Variants in ERMP1 observed in about 807,000 individuals in gnomAD.
ERMP1 encodes the protein Felix-ina.
A neutral mutation model predicts 92.0 loss-of-function variants in ERMP1; 86 were observed. The observed-to-expected ratio is 0.93, with a 90% confidence interval of 0.79 to 1.12. The LOEUF is 1.12. Ranked by LOEUF, ERMP1 falls within the 50% of genes most tolerant of loss-of-function variation. ERMP1 has a pLI of 0.00. For synonymous variants in ERMP1, 530 were observed against 412.8 expected (o/e 1.28, Z -3.44); for missense variants, 1,342 against 1,116.3 (o/e 1.20, Z -2.88).
At chr9:5,798,217 T>A (rs1240257972) in intron 12 of ERMP1, among the ~76,000 whole-genome samples, 5 of 148,674 alleles carry the variant, frequency 3.4e-5, no homozygotes, top group Non-Finnish European at 4.5e-5. Flanking sequence ...GAGAAAACAA[T>A]TTTTTTTTTT....
intron 13 of ERMP1, among the ~76,000 whole-genome samples, chr9:5,789,000 TAAAA>T (rs1271522579): frequency 6.6e-6 from 1 of 151,684 alleles, no homozygotes; most frequent in Non-Finnish European, 1.5e-5. Context: ...AAAAGCAAAG[TAAAA>T]AAGGTTAGCG....
At chr9:5,829,006 G>C (rs1563771870) in intron 2 of ERMP1, among the ~76,000 whole-genome samples, 3 of 151,914 alleles carry the variant, frequency 2.0e-5, no homozygotes, top group Non-Finnish European at 4.4e-5. Flanking sequence ...AAATTTGGGA[G>C]ACTGAGGTAG....
At chr9:5,802,676 A>G (rs911182140) in intron 10 of ERMP1, among the ~76,000 whole-genome samples, 1 of 152,198 alleles carries the variant, frequency 6.6e-6, no homozygotes, top group Non-Finnish European at 1.5e-5. Flanking sequence ...GTGAGCCACC[A>G]TGCCCAGCAA....
rs775344090 is a variant in ERMP1 at position 5,801,200 on chromosome 9, C to T, written c.2043G>A (p.Pro681=). The T allele has an allele frequency of 8.1e-6, 13 of 1,612,250 alleles. No individual in the cohort carries two copies. Among genetic ancestry groups the T allele is most frequent in the Middle Eastern group, 1.6e-4 (1 of 6,080 alleles). Residue 681 remains proline (P), a synonymous_variant, in exon 11 of 15, where the codon CCG becomes CCA. Transcript: ENST00000339450. ...CCTGAAGAAACACTCTCTTTGGCTT[C>T]GGATTAGCAGGATTGGAGCTATATG... ...FFPYSSNPAN[P]KPKRVFLQHM...
At chr9:5,808,552 T>G (rs1828955787) in intron 8 of ERMP1, among the ~76,000 whole-genome samples, 1 of 152,156 alleles carries the variant, frequency 6.6e-6, no homozygotes, top group East Asian at 1.9e-4. Flanking sequence ...AAAGACATAC[T>G]TGTGGAAGGA....
intron 13 of ERMP1, among the ~76,000 whole-genome samples, chr9:5,788,774 A>G (rs1165835609): frequency 2.6e-5 from 4 of 152,174 alleles, no homozygotes; most frequent in African/African-American, 9.6e-5. Flanking sequence ...TATCCATACA[A>G]ACATTTGGGG....
chr9:5,809,001 G>A (rs1275619344), intron 8 of ERMP1, among the ~76,000 whole-genome samples: 1 of 152,094 alleles, frequency 6.6e-6, no homozygotes, highest in African/African-American at 2.4e-5. Flanking sequence ...TTACAGGCAT[G>A]AGCCACAGCA....
rs1263043580 is a variant in ERMP1, at chr9:5,832,946, G to T, written c.82C>A (p.Pro28Thr). The T allele has an allele frequency of 6.4e-7, 1 of 1,562,406 alleles. No individual in the cohort carries two copies. The highest frequency in any genetic ancestry group is 1.8e-5 in the Admixed American group (1 of 56,626). ...ERREGAAAAPPPEREARAQEP... is the reference protein window; with the variant it reads ...ERREGAAAAPTPEREARAQEP... Reference sequence around the variant, plus strand: ...TGCGCTCGGGCCTCCCTCTCCGGCGGTGGCGCGGCCGCCGCTCCCTCTCGA... The same window carrying T: ...TGCGCTCGGGCCTCCCTCTCCGGCGTTGGCGCGGCCGCCGCTCCCTCTCGA... The change falls in exon 1 of 15, where the codon CCG becomes ACG. Residue 28 changes from proline to threonine, a missense_variant. Coordinates refer to ENST00000339450, the MANE Select transcript of ERMP1 (RefSeq NM_024896.3).
At chr9:5,863,535 G>C (rs2129787690) in intron 5 of ERMP1, among the ~76,000 whole-genome samples, 1 of 152,316 alleles carries the variant, frequency 6.6e-6, no homozygotes, top group Non-Finnish European at 1.5e-5. Context: ...GGAGAGGGCA[G>C]AGTCCTCAGA....
At position 5,805,669 on chromosome 9, in the gene ERMP1, G is replaced by A. The variant is rs771369193; in HGVS notation, c.1665C>T (p.Val555=). Residue 555 remains valine (V), a synonymous_variant, in exon 9 of 15, where the codon GTC becomes GTT. Coordinates refer to ENST00000339450, the MANE Select transcript of ERMP1 (RefSeq NM_024896.3). Reference sequence around the variant, plus strand: ...TTGTGAGCAATGGGAATGCTACCCAGACAGCACTAATAAACGCCGAGCAAA... The same window carrying A: ...TTGTGAGCAATGGGAATGCTACCCAAACAGCACTAATAAACGCCGAGCAAA... The part of the protein sequence containing the change: ...QGLCSAFISA[V]WVAFPLLTKL... 1.2e-6 allele frequency: 2 copies of A among 1,613,108 alleles called. No homozygotes were observed. Among genetic ancestry groups the A allele is most frequent in the South Asian group, 1.1e-5 (1 of 90,958 alleles).
upstream of ERMP1, among the ~76,000 whole-genome samples, chr9:5,834,945 G>C (rs1489753285): frequency 2.2e-5 from 3 of 137,432 alleles, no homozygotes; most frequent in South Asian, 2.5e-4. Context: ...GTGAGGATTA[G>C]ATAGATAGAC....
chr9:5,847,472 C>G (rs1830251258), intron 6 of ERMP1, among the ~76,000 whole-genome samples: 2 of 152,102 alleles, frequency 1.3e-5, no homozygotes, highest in Non-Finnish European at 2.9e-5. Context: ...CTCCTGAGCT[C>G]AAGTGATCAC....
chr9:5,837,335 C>A (rs904160486), upstream of ERMP1, among the ~76,000 whole-genome samples: 2 of 152,124 alleles, frequency 1.3e-5, no homozygotes, highest in Non-Finnish European at 2.9e-5. Flanking sequence ...CCATATTACA[C>A]ACACATCCAC....
chr9:5,826,443 C>T (rs1477770223), intron 2 of ERMP1, among the ~76,000 whole-genome samples: 2 of 152,188 alleles, frequency 1.3e-5, no homozygotes, highest in African/African-American at 4.8e-5. Flanking sequence ...TTAAGAGTCA[C>T]ACAAGATAAT....
chr9:5,851,788 T>G (rs1830310348), intron 6 of ERMP1, among the ~76,000 whole-genome samples: 1 of 152,172 alleles, frequency 6.6e-6, no homozygotes, highest in African/African-American at 2.4e-5. Context: ...AAAATTGATT[T>G]TAACACACAT....
chr9:5,830,339 TC>T (rs1326786475), intron 2 of ERMP1, among the ~76,000 whole-genome samples: 1 of 152,156 alleles, frequency 6.6e-6, no homozygotes, highest in Non-Finnish European at 1.5e-5. Context: ...GCAGGGACTG[TC>T]CTTATGTGGT....
At position 5,832,689 on chromosome 9, in the gene ERMP1, C is replaced by T. The variant is rs1276688846; in HGVS notation, c.338+1G>A. 1 of 1,445,242 alleles carries T rather than the reference C, an allele frequency of 6.9e-7. No homozygotes were observed. Among genetic ancestry groups the T allele is most frequent in the South Asian group, 1.4e-5 (1 of 72,620 alleles). 89.5% of individuals were successfully genotyped at this position (1,445,242 alleles called of 1,614,324 possible). On this transcript the variant is annotated splice_donor_variant, in intron 1 of 14. Transcript: ENST00000339450. LOFTEE classifies it high-confidence loss of function. ...CCGTGCCAGGAGGGAGCGGCCGGTA[C>T]CTGGCTTGGAGCGCGTCGAACTCCC... is the stretch of plus-strand genomic sequence containing the variant.
chr9:5,821,292 T>C (rs907124933), intron 4 of ERMP1, among the ~76,000 whole-genome samples: 24 of 152,252 alleles, frequency 1.6e-4, no homozygotes, highest in African/African-American at 5.8e-4. Flanking sequence ...ATTTAAACTG[T>C]TGTTTTACCT....
chr9:5,817,440 T>A (rs1005347658), intron 4 of ERMP1, among the ~76,000 whole-genome samples: 4 of 152,222 alleles, frequency 2.6e-5, no homozygotes, highest in African/African-American at 4.8e-5. Flanking sequence ...TCCGCCCGCC[T>A]TGGCCTCCCA....
Sources: gnomAD v4.1 joint callset for allele counts (sites outside exome capture counted in the v4.1 genomes callset) on GRCh38, gnomAD v4.1.1 for gene constraint, MANE v1.5 for transcripts, NCBI Gene and HGNC (gene_info 2026-07-23, HGNC 2026-07-21) for gene names.